The following DOK6 variants were observed in gnomAD, a reference collection of about 807,000 sequenced individuals.
DOK6 encodes the protein downstream of tyrosine kinase 6.
In DOK6, 22 loss-of-function variants were observed where a neutral mutation model predicts 44.0. The ratio of observed to expected loss-of-function variants is 0.50; its 90% CI spans 0.36 to 0.71. The LOEUF (loss-of-function observed/expected upper bound fraction) is 0.71, where lower values mean the gene tolerates loss of function less well. DOK6 is among the 30% of genes least tolerant of loss of function. DOK6 has a pLI of 0.00. For synonymous variants in DOK6, 166 were observed against 145.5 expected (o/e 1.14, Z -1.01); for missense variants, 340 against 416.4 (o/e 0.82, Z 1.60).
intron 6 of DOK6, among the ~76,000 whole-genome samples, chr18:69,756,337 A>AC (rs1276170713): frequency 6.6e-6 from 1 of 152,180 alleles, no homozygotes; most frequent in Non-Finnish European, 1.5e-5. Flanking sequence ...TGGATAGTTC[A>AC]CCTGTTTATG....
chr18:69,564,433 TGTC>T (rs1982920181), intron 1 of DOK6, 51 bp from the exon 2 acceptor site: 2 of 1,491,634 alleles, frequency 1.3e-6, no homozygotes, highest in Non-Finnish European at 1.8e-6. Flanking sequence ...CAACTCCTAA[TGTC>T]GTAAACTCAT....
At chr18:69,812,420 C>T (rs1245788844) in intron 7 of DOK6, among the ~76,000 whole-genome samples, 1 of 151,986 alleles carries the variant, frequency 6.6e-6, no homozygotes, top group Non-Finnish European at 1.5e-5. Flanking sequence ...GAACAAATTG[C>T]CATGCAAAAC....
intron 1 of DOK6, among the ~76,000 whole-genome samples, chr18:69,463,529 A>G (rs114433212): frequency 8.5e-5 from 13 of 152,310 alleles, no homozygotes; most frequent in African/African-American, 2.9e-4. Context: ...TAGTTTTGCC[A>G]TTAAGCTAAC....
At chr18:69,627,605 C>T (rs1426280823) in intron 3 of DOK6, among the ~76,000 whole-genome samples, 1 of 152,046 alleles carries the variant, frequency 6.6e-6, no homozygotes, top group African/African-American at 2.4e-5. Flanking sequence ...CCCGCCACCA[C>T]ACCCAGCTAG....
At chr18:69,567,869 A>G (rs1485025453) in intron 2 of DOK6, among the ~76,000 whole-genome samples, 2 of 152,174 alleles carry the variant, frequency 1.3e-5, no homozygotes, top group Admixed American at 1.3e-4. Context: ...TCAGCAGCTT[A>G]CTTACATTGT....
intron 2 of DOK6, among the ~76,000 whole-genome samples, chr18:69,580,628 A>C (rs1050821216): frequency 2.0e-5 from 3 of 152,210 alleles, no homozygotes; most frequent in Non-Finnish European, 4.4e-5. Flanking sequence ...ATAATGTTCA[A>C]ATCAGGATAA....
rs559381924 is a variant in DOK6, at chr18:69,728,349, C to T, written c.600-10616C>T. 3.3e-5 allele frequency among the ~76,000 whole-genome samples: 5 copies of T among 152,294 alleles called. No homozygotes were observed. The South Asian group carries it at 1.0e-3, about 32-fold the overall frequency. On this transcript the variant is annotated intron_variant, in intron 5 of 7. Coordinates refer to ENST00000382713, the MANE Select transcript of DOK6 (RefSeq NM_152721.6). Reference sequence around the variant, plus strand: ...TTTTTTTCCCCACAGTCACCCAGGTCCAGATGGAACAAGGTTGCCTCTTAA... The same window carrying T: ...TTTTTTTCCCCACAGTCACCCAGGTTCAGATGGAACAAGGTTGCCTCTTAA...
chr18:69,442,535 A>G (rs1305298944), intron 1 of DOK6, among the ~76,000 whole-genome samples: 1 of 152,172 alleles, frequency 6.6e-6, no homozygotes, highest in Non-Finnish European at 1.5e-5. Flanking sequence ...AACTGCCCCC[A>G]TGATCTAATC....
In DOK6 at chr18:69,566,432, G is replaced by A. The variant is rs149346324; in HGVS notation, c.174+1838G>A. 3.9e-5 allele frequency among the ~76,000 whole-genome samples: 6 copies of A among 152,212 alleles called. No homozygotes were observed. The East Asian group carries it at 1.2e-3, about 29-fold the overall frequency. ...ATTACAGGCGCGAACCACCGCACCC[G>A]GCCCAGTTTATTTTTATTTACAAAT... On this transcript the variant is annotated intron_variant, in intron 2 of 7. Transcript: ENST00000382713.
At chr18:69,794,848 G>C (rs141109090) in intron 7 of DOK6, among the ~76,000 whole-genome samples, 1 of 152,106 alleles carries the variant, frequency 6.6e-6, no homozygotes, top group Non-Finnish European at 1.5e-5. Context: ...CTGCGCATGC[G>C]AGGGATTTAG....
intron 1 of DOK6, among the ~76,000 whole-genome samples, chr18:69,449,801 C>T (rs930287177): frequency 6.6e-6 from 1 of 151,422 alleles, no homozygotes; most frequent in South Asian, 2.1e-4. Flanking sequence ...CAGGGGCACA[C>T]TGACACCTCA....
intron 7 of DOK6, among the ~76,000 whole-genome samples, chr18:69,839,103 C>T (rs1186113315): frequency 2.7e-5 from 4 of 146,252 alleles, no homozygotes; most frequent in Admixed American, 2.7e-4. Context: ...TCCTCCCCAT[C>T]CCCTCCTGTG....
chr18:69,428,108 T>G (rs1978695332), intron 1 of DOK6, among the ~76,000 whole-genome samples: 1 of 152,136 alleles, frequency 6.6e-6, no homozygotes, highest in Admixed American at 6.5e-5. Flanking sequence ...GTGATTTACT[T>G]TCTTTATAGT....
At chr18:69,612,447 A>ATGTGTGCGAGGGCGCC (rs1984174574) in intron 3 of DOK6, among the ~76,000 whole-genome samples, 1 of 150,976 alleles carries the variant, frequency 6.6e-6, no homozygotes, top group Non-Finnish European at 1.5e-5. Context: ...GCGAGGGCGC[A>ATGTGTGCGAGGGCGCC]TGTGTGCGAG....
intron 1 of DOK6, among the ~76,000 whole-genome samples, chr18:69,512,160 C>A (rs1219470478): frequency 6.9e-6 from 1 of 145,622 alleles, no homozygotes; most frequent in Non-Finnish European, 1.5e-5. Flanking sequence ...TCCATATTTG[C>A]AGATGGGTCT....
At chr18:69,803,952 A>G (rs777690788) in intron 7 of DOK6, among the ~76,000 whole-genome samples, 5 of 152,180 alleles carry the variant, frequency 3.3e-5, no homozygotes, top group Non-Finnish European at 5.9e-5. Flanking sequence ...GGTTTAAATT[A>G]CCAAAAACTC....
chr18:69,433,648 C>G (rs967754059), intron 1 of DOK6, among the ~76,000 whole-genome samples: 1 of 151,752 alleles, frequency 6.6e-6, no homozygotes, highest in East Asian at 1.9e-4. Context: ...TTTGCACTGT[C>G]TGTGTCATCT....
intron 7 of DOK6, among the ~76,000 whole-genome samples, chr18:69,793,493 G>A (rs1164559428): frequency 2.6e-5 from 4 of 152,124 alleles, no homozygotes; most frequent in Admixed American, 2.6e-4. Context: ...CACAACTCCA[G>A]TGCCACTTTA....
intron 7 of DOK6, among the ~76,000 whole-genome samples, chr18:69,812,279 C>A (rs17081656): frequency 0.035 from 5,361 of 152,204 alleles, 146 homozygotes; most frequent in Middle Eastern, 0.12. Context: ...TTGCAAGATA[C>A]TTTTACCCTG....
Sources: gnomAD v4.1 joint callset for allele counts (sites outside exome capture counted in the v4.1 genomes callset) on GRCh38, gnomAD v4.1.1 for gene constraint, MANE v1.5 for transcripts, NCBI Gene and HGNC (gene_info 2026-07-23, HGNC 2026-07-21) for gene names.